The following DLL1 variants were observed in gnomAD, a reference collection of about 807,000 sequenced individuals.
DLL1 encodes the protein delta like canonical Notch ligand 1, also known as delta-like protein 1.
In DLL1, 9 loss-of-function variants were observed where a neutral mutation model predicts 75.1. That is an observed-to-expected ratio of 0.12 (90% CI 0.07 to 0.21). The LOEUF (loss-of-function observed/expected upper bound fraction) is 0.21. DLL1 is among the 10% of genes least tolerant of loss of function. The pLI, the probability that DLL1 is intolerant of heterozygous loss-of-function variation, is 1.00. For missense variants in DLL1, 837 were observed against 1,007.6 expected, an observed-to-expected ratio of 0.83 and a Z score of 2.29; for synonymous variants, 477 against 418.3, an observed-to-expected ratio of 1.14 and a Z score of -1.71.
intron 3 of DLL1, 80 bp from the exon 4 acceptor site, chr6:170,288,576 T>C (rs1484121083): frequency 1.2e-6 from 2 of 1,612,938 alleles, no homozygotes; most frequent in Non-Finnish European, 1.7e-6. Context: ...GCCGAGACAT[T>C]CAGCACGGGA....
At position 170,288,623 on chromosome 6, in the gene DLL1, G is replaced by T; in HGVS notation, c.412+106C>A. Reference sequence around the variant, plus strand: ...GCTGCTCCACCCTGAACTTTCTGGGGCACGTGCAGAATGAAAGCTGTCCGG... The same window carrying T: ...GCTGCTCCACCCTGAACTTTCTGGGTCACGTGCAGAATGAAAGCTGTCCGG... On this transcript the variant is annotated intron_variant, in intron 3 of 10. Transcript: ENST00000366756. The T allele has an allele frequency of 1.9e-6, 3 of 1,606,996 alleles. No homozygotes were observed. In the Admixed American group the frequency reaches 5.0e-5, roughly 27 times the overall value.
chr6:170,290,020 C>T lies in DLL1; in HGVS notation c.54+66G>A, dbSNP rs965489629. On this transcript the variant is annotated intron_variant, in intron 1 of 10. Transcript: ENST00000366756. The surrounding 1 kb of genome is among the most constrained non-coding windows in gnomAD (Gnocchi z 4.7). ...CGCTGTCCGCCCCTCCCCGCGCGCT[C>T]CTGCCCCGCGCCCCGGCTACCCGTG... The T allele has an allele frequency of 4.0e-6, 6 of 1,491,952 alleles. No individual in the cohort carries two copies. The highest frequency in any genetic ancestry group is 3.5e-6 in the Non-Finnish European group (4 of 1,127,878). 92.4% of individuals were successfully genotyped at this position (1,491,952 alleles called of 1,614,324 possible). A position where few individuals can be genotyped will look rare whatever the true frequency, so the allele number is the denominator to read the frequency against.
Position 170,283,220 on chromosome 6 carries a change from GC to G in DLL1, c.2048+10del. Reference sequence around the variant, plus strand: ...GGTACCCCCTCCTGATGCCCGGCCCGCAGCACGCACCCCCTGAGTGTGGTCG... The same window carrying G: ...GGTACCCCCTCCTGATGCCCGGCCCGAGCACGCACCCCCTGAGTGTGGTCG... On this transcript the variant is annotated intron_variant, in intron 9 of 10. Coordinates refer to ENST00000366756, the MANE Select transcript of DLL1 (RefSeq NM_005618.4). The G allele has an allele frequency of 6.2e-7, 1 of 1,612,492 alleles. No individual in the cohort carries two copies. Among genetic ancestry groups the G allele is most frequent in the Non-Finnish European group, 8.5e-7 (1 of 1,179,762 alleles).
chr6:170,288,648 G>C, intron 3 of DLL1, 81 bp downstream of exon 3: 1 of 1,608,872 alleles, frequency 6.2e-7, no homozygotes, highest in Non-Finnish European at 8.5e-7. Flanking sequence ...AAGCTGTCCG[G>C]GTTTGGCTGG....
In DLL1 at chr6:170,288,462, G is replaced by C; in HGVS notation, c.447C>G (p.Thr149=). ...NPERLISRLA[T]QRHLTVGEEW... is the part of the protein sequence containing the mutation. ...CCTCGCCCACCGTCAGGTGCCTCTGGGTGGCCAGGCGGCTGATGAGTCTTT... is the reference window on the plus strand; with the variant it reads ...CCTCGCCCACCGTCAGGTGCCTCTGCGTGGCCAGGCGGCTGATGAGTCTTT... Residue 149 remains threonine (T), a synonymous_variant, in exon 4 of 11, where the codon ACC becomes ACG. Transcript: ENST00000366756. The C allele has an allele frequency of 6.2e-7, 1 of 1,614,130 alleles. No individual in the cohort carries two copies. The highest frequency in any genetic ancestry group is 8.5e-7 in the Non-Finnish European group (1 of 1,180,060).
intron 4 of DLL1, among the ~76,000 whole-genome samples, chr6:170,287,786 C>T (rs1443634625): frequency 2.0e-5 from 3 of 152,168 alleles, no homozygotes; most frequent in African/African-American, 7.2e-5. Flanking sequence ...CCAGAGAGGT[C>T]AAGCACACCA....
chr6:170,285,159 A>ACTT (rs1783669193), intron 7 of DLL1, 24 bp from the exon 8 acceptor site: 2 of 1,613,724 alleles, frequency 1.2e-6, no homozygotes, highest in African/African-American at 2.7e-5. Flanking sequence ...AGGTCAGAAA[A>ACTT]GGCTTTCCAA....
chr6:170,283,272 G>A lies in DLL1; in HGVS notation c.2007C>T (p.Gly669=), dbSNP rs761833980. ...GGGTCCCCTTCTCCTCCCCTGAGGAGCCCTGGGGCTGGCACTTGGTGTCAC... is the reference window on the plus strand; with the variant it reads ...GGGTCCCCTTCTCCTCCCCTGAGGAACCCTGGGGCTGGCACTTGGTGTCAC... ...SKRDTKCQPQ[G]SSGEEKGTPT... The change falls in exon 9 of 11, where the codon GGC becomes GGT. Residue 669 remains glycine, a synonymous_variant. Coordinates refer to ENST00000366756, the MANE Select transcript of DLL1 (RefSeq NM_005618.4). The A allele has an allele frequency of 2.4e-5, 38 of 1,612,844 alleles. No individual in the cohort carries two copies. Among genetic ancestry groups the A allele is most frequent in the Non-Finnish European group, 3.2e-5 (38 of 1,179,950 alleles).
chr6:170,288,863 C>G, intron 2 of DLL1, 74 bp from the exon 3 acceptor site: 6 of 1,556,102 alleles, frequency 3.9e-6, no homozygotes, highest in Non-Finnish European at 4.4e-6. Context: ...GCAGTCATTC[C>G]TAACAGCCAG....
chr6:170,288,606 A>G, intron 3 of DLL1, 110 bp from the exon 4 acceptor site: 1 of 1,610,338 alleles, frequency 6.2e-7, no homozygotes, highest in South Asian at 1.1e-5. Flanking sequence ...AAGCTGCTCC[A>G]CCCTGAACTT....
In DLL1 at chr6:170,283,001, A is replaced by G. The variant is rs758658994; in HGVS notation, c.2153T>C (p.Val718Ala). ...YVISEEKDEC[V>A]IATEV Reference sequence around the variant, plus strand: ...GCCTGCACTGACCTCAGTTGCTATGACGCACTCATCCTTCTCCTCGGATAT... The same window carrying G: ...GCCTGCACTGACCTCAGTTGCTATGGCGCACTCATCCTTCTCCTCGGATAT... The change falls in exon 10 of 11, where the codon GTC becomes GCC. Residue 718 changes from valine to alanine, a missense_variant. Val to Ala is a moderately conservative substitution (Grantham distance 64). Coordinates refer to ENST00000366756, the MANE Select transcript of DLL1 (RefSeq NM_005618.4). 2.5e-6 allele frequency: 4 copies of G among 1,614,122 alleles called. No individual in the cohort carries two copies. The highest frequency in any genetic ancestry group is 2.2e-5 in the South Asian group (2 of 91,084).
At position 170,290,601 on chromosome 6, in the gene DLL1, A is replaced by G; in HGVS notation, c.-462T>C. On this transcript the variant is annotated 5_prime_UTR_variant, in exon 1 of 11. Transcript: ENST00000366756. This position sits in a 1 kb window ranked among gnomAD's most constrained non-coding sequence, Gnocchi z 4.7. ...GCCGATTAGAAAGCCGCGGTCTGGA[A>G]ATCCCACGGGCAAGGCGATAATCCG... 1 of 241,132 alleles carries G rather than the reference A, an allele frequency of 4.1e-6. No individual in the cohort carries two copies. The highest frequency in any genetic ancestry group is 7.3e-5 in the South Asian group (1 of 13,664). 14.9% of individuals were successfully genotyped at this position (241,132 alleles called of 1,614,324 possible).
Position 170,283,309 on chromosome 6 carries a change from G to A in DLL1, c.1970C>T (p.Ala657Val), listed in dbSNP as rs780609795. 3.8e-5 allele frequency: 62 copies of A among 1,613,058 alleles called. No individual in the cohort carries two copies. The East Asian group carries it at 4.7e-4, about 12-fold the overall frequency. Reference protein sequence around the residue: ...LKGDDTAVRDAHSKRDTKCQP... With the variant: ...LKGDDTAVRDVHSKRDTKCQP... ...GCACTTGGTGTCACGCTTGCTGTGC[G>A]CGTCCCTGACGGCGGTGTCGTCACC... Residue 657 changes from alanine (A) to valine (V), a missense_variant, in exon 9 of 11, where the codon GCG becomes GTG. This residue lies in a region of DLL1 where 533 missense variants were observed against 545.7 expected (regional missense o/e 0.98). Transcript: ENST00000366756.
rs1439065912 is a variant in DLL1 at position 170,285,293 on chromosome 6, C to T, written c.993G>A (p.Glu331=). ...CGTTCTTACAAGGGCTGGGGTCACA[C>T]TCGTCAATCCCCAGCTCGCAGGTGG... ...TGATCELGID[E]CDPSPCKNGG... The change falls in exon 7 of 11, where the codon GAG becomes GAA. Residue 331 remains glutamate, a synonymous_variant. Coordinates refer to ENST00000366756, the MANE Select transcript of DLL1 (RefSeq NM_005618.4). 4 of 1,614,076 alleles carry T rather than the reference C, an allele frequency of 2.5e-6. No individual in the cohort carries two copies. The highest frequency in any genetic ancestry group is 3.4e-6 in the Non-Finnish European group (4 of 1,180,048).
At chr6:170,286,327 C>A in intron 4 of DLL1, 29 bp from the exon 5 acceptor site, 1 of 1,614,132 alleles carries the variant, frequency 6.2e-7, no homozygotes, top group Non-Finnish European at 8.5e-7. Flanking sequence ...CAGGGTCAAG[C>A]CCCACGCCAA....
At chr6:170,286,109 GC>G in intron 5 of DLL1, 128 bp downstream of exon 5, 1 of 1,129,004 alleles carries the variant, frequency 8.9e-7, no homozygotes, top group Non-Finnish European at 1.3e-6. Flanking sequence ...TGAGAAAACG[GC>G]CCCCTGTTCA....
chr6:170,288,194 G>C (rs370934277), intron 4 of DLL1, 45 bp downstream of exon 4: 1 of 1,613,234 alleles, frequency 6.2e-7, no homozygotes, highest in Non-Finnish European at 8.5e-7. Flanking sequence ...CGCGCGGTCC[G>C]TGTTCGTGGA....
chr6:170,290,767 G>T lies in DLL1; in HGVS notation c.-628C>A, dbSNP rs942203136. On this transcript the variant is annotated 5_prime_UTR_variant, in exon 1 of 11. Coordinates refer to ENST00000366756, the MANE Select transcript of DLL1 (RefSeq NM_005618.4). The surrounding 1 kb of genome is among the most constrained non-coding windows in gnomAD (Gnocchi z 4.7). ...CTCCGATCTCCGGTGTCACAGCAAA[G>T]ATCCGCGTCTTTCCGATGAATCCAG... 2 of 506,796 alleles carry T rather than the reference G, an allele frequency of 3.9e-6. No homozygotes were observed. Among genetic ancestry groups the T allele is most frequent in the Non-Finnish European group, 7.1e-6 (2 of 283,312 alleles). The allele number at this position is 506,796 out of a possible 1,614,324, so 31.4% of individuals were successfully genotyped here. A position where few individuals can be genotyped will look rare whatever the true frequency, so the allele number is the denominator to read the frequency against.
rs1175105758 is a variant in DLL1 at position 170,286,361 on chromosome 6, C to G, written c.671-63G>C. ...AAGTACGTCCCAACAGGGCTGCCGC[C>G]CTTGGGGCCAGGACACAACTCGCCG... On this transcript the variant is annotated intron_variant, in intron 4 of 10. Coordinates refer to ENST00000366756, the MANE Select transcript of DLL1 (RefSeq NM_005618.4). The G allele has an allele frequency of 8.1e-6, 13 of 1,597,896 alleles. No homozygotes were observed. The East Asian group carries it at 1.6e-4, about 19-fold the overall frequency.
Sources: allele counts gnomAD v4.1 joint callset (sites outside exome capture counted in the v4.1 genomes callset), GRCh38; gene constraint gnomAD v4.1.1; regional missense constraint gnomAD v4.1.1; non-coding constraint Gnocchi (gnomAD v3.1); transcripts MANE v1.5; gene names NCBI Gene and HGNC (gene_info 2026-07-23, HGNC 2026-07-21).